The following ZNF519 variants were observed in gnomAD, a reference collection of about 807,000 sequenced individuals.
The protein encoded by ZNF519 is similar to Zinc finger protein 85 (Zinc finger protein HPF4) (HTF1).
A neutral mutation model predicts 7.4 loss-of-function variants in ZNF519; 7 were observed. The observed-to-expected ratio is 0.94, with a 90% CI of 0.54 to 1.77. The LOEUF is 1.77. ZNF519 is among the 40% of genes most tolerant of loss of function. The pLI is 0.00. For synonymous variants in ZNF519, 179 were observed against 203.3 expected (o/e 0.88, Z 1.02); for missense variants, 586 against 623.1 (o/e 0.94, Z 0.63).
intron 3 of ZNF519, among the ~76,000 whole-genome samples, chr18:14,078,882 A>G (rs1239237161): frequency 6.6e-6 from 1 of 152,178 alleles, no homozygotes; most frequent in Non-Finnish European, 1.5e-5. Flanking sequence ...GAAACTTTTT[A>G]TGTGTAAAAA....
intron 2 of ZNF519, among the ~76,000 whole-genome samples, chr18:14,092,377 C>T (rs1031590571): frequency 6.6e-6 from 1 of 152,044 alleles, no homozygotes; most frequent in East Asian, 1.9e-4. Flanking sequence ...TAGACAGAGA[C>T]CCTGATAATG....
intron 2 of ZNF519, among the ~76,000 whole-genome samples, chr18:14,087,599 T>A (rs2046096800): frequency 6.6e-6 from 1 of 152,122 alleles, no homozygotes; most frequent in Admixed American, 6.5e-5. Context: ...ATAAAACTCT[T>A]AGGAGCTACT....
intron 2 of ZNF519, among the ~76,000 whole-genome samples, chr18:14,123,416 A>G (rs1395759468): frequency 6.6e-6 from 1 of 152,110 alleles, no homozygotes; most frequent in East Asian, 1.9e-4. Context: ...AGTACTATCG[A>G]ATCAAAAATA....
chr18:14,121,133 A>T (rs1273051150), intron 2 of ZNF519, among the ~76,000 whole-genome samples: 1 of 152,096 alleles, frequency 6.6e-6, no homozygotes. Context: ...AAAAATGTAA[A>T]CTCATAGAAG....
chr18:14,078,848 A>G (rs1383523120), intron 3 of ZNF519, among the ~76,000 whole-genome samples: 2 of 152,336 alleles, frequency 1.3e-5, no homozygotes, highest in East Asian at 3.9e-4. Context: ...CTAAAATAAA[A>G]GCTAATAGAT....
At chr18:14,118,283 C>T (rs2046255367) in intron 2 of ZNF519, among the ~76,000 whole-genome samples, 1 of 152,130 alleles carries the variant, frequency 6.6e-6, no homozygotes, top group Non-Finnish European at 1.5e-5. Flanking sequence ...TGGTCTCAAT[C>T]TCCTGACCTC....
chr18:14,102,897 C>A lies in ZNF519; in HGVS notation c.*2020G>T. On this transcript the variant is annotated 3_prime_UTR_variant, in exon 3 of 3. Transcript: ENST00000590202. The stretch of plus-strand genomic sequence containing the variant: ...CAGATTCTGATAAGGTATATAAGGG[C>A]TAGAGAAAACAAGGAAGTAACTTCA... 2 of 151,250 alleles carry A rather than the reference C, an allele frequency of 1.3e-5. No homozygotes were observed. The highest frequency in any genetic ancestry group is 2.4e-5 in the African/African-American group (1 of 41,126). 9.4% of individuals were successfully genotyped at this position (151,250 alleles called of 1,614,324 possible).
chr18:14,118,709 C>T (rs2046257098), intron 2 of ZNF519, among the ~76,000 whole-genome samples: 1 of 152,168 alleles, frequency 6.6e-6, no homozygotes, highest in South Asian at 2.1e-4. Flanking sequence ...GTTCTGCAAC[C>T]TGTCTCAAAC....
Position 14,105,541 on chromosome 18 carries a change from T to A in ZNF519, c.999A>T (p.Ser333=). 6.2e-7 allele frequency: 1 copy of A among 1,614,152 alleles called. No individual in the cohort carries two copies. The highest frequency in any genetic ancestry group is 1.3e-5 in the African/African-American group (1 of 75,042). ...KECGKAFNRG[S]YLTQHQRIHT... ...GGATTCTCTGATGTTGAGTAAGGTA[T>A]GAGCCTCTGTTAAAAGCTTTGCCAC... Residue 333 remains serine (S), a synonymous_variant, in exon 3 of 3, where the codon TCA becomes TCT. Coordinates refer to ENST00000590202, the MANE Select transcript of ZNF519 (RefSeq NM_145287.4).
At chr18:14,072,695 G>C (rs898825248), downstream of ZNF519, 4 of 152,136 alleles carry the variant, frequency 2.6e-5, 1 homozygote, top group African/African-American at 9.7e-5. Context: ...ATGTATGAAA[G>C]CAGGAAAACC....
At chr18:14,093,997 C>T (rs1023540955) in intron 2 of ZNF519, among the ~76,000 whole-genome samples, 6 of 152,242 alleles carry the variant, frequency 3.9e-5, no homozygotes, top group Non-Finnish European at 8.8e-5. Flanking sequence ...TATTACTAGA[C>T]ATTTCCTTGA....
rs187034157 is a variant in ZNF519, at chr18:14,106,304, A to C, written c.236T>G (p.Ile79Arg). 1 of 1,612,860 alleles carries C rather than the reference A, an allele frequency of 6.2e-7. No individual in the cohort carries two copies. The highest frequency in any genetic ancestry group is 1.3e-5 in the African/African-American group (1 of 74,612). Residue 79 changes from isoleucine (I) to arginine (R), a missense_variant, in exon 3 of 3, where the codon ATA becomes AGA. Physicochemically the swap from Ile to Arg is moderately conservative, Grantham distance 97. Transcript: ENST00000590202. ...GRYGSCGLENICLWKNWESIG... is the reference protein window; with the variant it reads ...GRYGSCGLENRCLWKNWESIG... ...ACTTTCCCAGTTTTTCCATAAGCAT[A>C]TATTTTCAAGGCCACAGCTCCCATA...
chr18:14,082,708 A>C (rs2143082547), intron 3 of ZNF519: 1 of 150,002 alleles, frequency 6.7e-6, no homozygotes, highest in East Asian at 1.9e-4. Context: ...TCCATCACTC[A>C]GGCTGGAGTG....
intron 2 of ZNF519, among the ~76,000 whole-genome samples, chr18:14,110,650 A>G (rs1024948298): frequency 1.3e-5 from 2 of 152,170 alleles, no homozygotes; most frequent in African/African-American, 4.8e-5. Flanking sequence ...ACTTACTCCT[A>G]CAAAAATAGC....
At chr18:14,107,199 T>C (rs182899822) in intron 2 of ZNF519, among the ~76,000 whole-genome samples, 15 of 152,216 alleles carry the variant, frequency 9.9e-5, no homozygotes, top group Admixed American at 8.5e-4. Flanking sequence ...ACCAAGTCCA[T>C]CTACTTAAGA....
intron 2 of ZNF519, among the ~76,000 whole-genome samples, chr18:14,086,929 T>C (rs200464755): frequency 1.3e-5 from 2 of 151,754 alleles, no homozygotes; most frequent in Non-Finnish European, 2.9e-5. Flanking sequence ...GACAAGGACA[T>C]AACAACAACA....
chr18:14,126,895 G>C (rs951163255), intron 1 of ZNF519, among the ~76,000 whole-genome samples: 3 of 152,176 alleles, frequency 2.0e-5, no homozygotes, highest in Non-Finnish European at 4.4e-5. Flanking sequence ...GTGCTGGTGA[G>C]AGCGTCCCCA....
At chr18:14,076,764 C>T (rs1420505072) in exon 5 of ZNF519, 1 of 151,964 alleles carries the variant, frequency 6.6e-6, no homozygotes. Flanking sequence ...AGAAAACTGC[C>T]GAAGATCTTG....
intron 2 of ZNF519, among the ~76,000 whole-genome samples, chr18:14,087,258 TTCTC>T (rs1453945737): frequency 2.0e-5 from 3 of 152,216 alleles, no homozygotes; most frequent in Non-Finnish European, 2.9e-5. Context: ...GCTGGATGTT[TTCTC>T]TCTAAGATCT....
Sources: allele counts gnomAD v4.1 joint callset (sites outside exome capture counted in the v4.1 genomes callset), GRCh38; gene constraint gnomAD v4.1.1; transcripts MANE v1.5; gene names NCBI Gene and HGNC (gene_info 2026-07-23, HGNC 2026-07-21).